ZMYND8: variants seen among roughly 807,000 people sequenced by gnomAD.
ZMYND8 encodes the protein MYND-type zinc finger-containing chromatin reader ZMYND8.
In ZMYND8, 37 loss-of-function variants were observed where a neutral mutation model predicts 140.8. That is an observed-to-expected ratio of 0.26 (90% CI 0.20 to 0.35). The LOEUF (loss-of-function observed/expected upper bound fraction) is 0.35, where lower values mean the gene tolerates loss of function less well. Among genes scored for constraint, ZMYND8 ranks in the 10% least tolerant of loss-of-function variants. The pLI is 1.00. For synonymous variants in ZMYND8, 592 were observed against 597.1 expected, an observed-to-expected ratio of 0.99 and a Z score of 0.12; for missense variants, 1,068 against 1,570.0, an observed-to-expected ratio of 0.68 and a Z score of 5.40.
At chr20:47,241,714 G>A (rs1377158696) in intron 14 of ZMYND8, among the ~76,000 whole-genome samples, 1 of 151,970 alleles carries the variant, frequency 6.6e-6, no homozygotes, top group Non-Finnish European at 1.5e-5. Context: ...GGATATCTGG[G>A]GAACACACAC....
intron 6 of ZMYND8, among the ~76,000 whole-genome samples, chr20:47,291,315 G>A (rs1032699450): frequency 6.6e-6 from 1 of 152,178 alleles, no homozygotes; most frequent in Non-Finnish European, 1.5e-5. Context: ...TTTCAGCGTG[G>A]AATTTTAGCA....
At chr20:47,256,133 T>C (rs1374962454) in intron 12 of ZMYND8, among the ~76,000 whole-genome samples, 1 of 151,586 alleles carries the variant, frequency 6.6e-6, no homozygotes. Context: ...TGGATGGACT[T>C]CCAGGAACTA....
At chr20:47,273,229 T>G (rs936171660) in intron 11 of ZMYND8, among the ~76,000 whole-genome samples, 1 of 152,074 alleles carries the variant, frequency 6.6e-6, no homozygotes, top group Admixed American at 6.6e-5. Context: ...TTTTTAATGG[T>G]TGGGGGGAAA....
chr20:47,233,566 A>C (rs1325627187), intron 16 of ZMYND8, among the ~76,000 whole-genome samples: 1 of 152,176 alleles, frequency 6.6e-6, no homozygotes, highest in Non-Finnish European at 1.5e-5. Context: ...TGGACCATGA[A>C]CATTTGTGGT....
At chr20:47,249,230 T>A in intron 13 of ZMYND8, 57 bp downstream of exon 13, 1 of 1,582,512 alleles carries the variant, frequency 6.3e-7, no homozygotes, top group Non-Finnish European at 8.6e-7. Context: ...GTGGTATCCC[T>A]ACCAGTAATG....
chr20:47,305,784 T>C (rs2078435482), intron 3 of ZMYND8, among the ~76,000 whole-genome samples: 1 of 152,130 alleles, frequency 6.6e-6, no homozygotes, highest in South Asian at 2.1e-4. Flanking sequence ...CTCAATCCTT[T>C]AATGCAAGGG....
chr20:47,287,859 C>CGCACACAT (rs1569104279), intron 7 of ZMYND8, among the ~76,000 whole-genome samples: 3 of 152,280 alleles, frequency 2.0e-5, no homozygotes, highest in Non-Finnish European at 2.9e-5. Context: ...CACGCACACA[C>CGCACACAT]GCACACACAT....
chr20:47,250,735 C>T (rs560544297), intron 12 of ZMYND8, among the ~76,000 whole-genome samples: 16 of 152,364 alleles, frequency 1.1e-4, no homozygotes, highest in Non-Finnish European at 1.9e-4. Context: ...TCAAACACTG[C>T]ATACCCAGAA....
intron 18 of ZMYND8, among the ~76,000 whole-genome samples, chr20:47,224,997 C>A (rs2037484286): frequency 6.6e-6 from 1 of 152,174 alleles, no homozygotes; most frequent in South Asian, 2.1e-4. Flanking sequence ...ACTCATATAA[C>A]CCTCATCCTA....
intron 21 of ZMYND8, among the ~76,000 whole-genome samples, chr20:47,218,794 G>C (rs779560492): frequency 3.9e-5 from 6 of 152,108 alleles, no homozygotes; most frequent in Non-Finnish European, 8.8e-5. Context: ...TACTCCCTCT[G>C]ACTGTGCCCC....
At chr20:47,324,201 CAAAAA>C (rs60339000) in intron 2 of ZMYND8, among the ~76,000 whole-genome samples, 1 of 66,670 alleles carries the variant, frequency 1.5e-5, no homozygotes, top group Non-Finnish European at 3.3e-5. Context: ...GACTCTGTCT[CAAAAA>C]AAAAAAAAAA....
In ZMYND8 at chr20:47,301,001, T is replaced by C. The variant is rs76131808; in HGVS notation, c.235-2054A>G. ...TACCCAGGCTGGTATTAAGAGGTTTTACTGTTCCCAAATGCCTGGTATTTC... is the reference window on the plus strand; with the variant it reads ...TACCCAGGCTGGTATTAAGAGGTTTCACTGTTCCCAAATGCCTGGTATTTC... On this transcript the variant is annotated intron_variant, in intron 3 of 22. Transcript: ENST00000471951. Among the ~76,000 whole-genome samples, 659 of 151,936 alleles carry C rather than the reference T, an allele frequency of 4.3e-3. 4 individuals carry two copies. Among genetic ancestry groups the C allele is most frequent in the African/African-American group, 0.015 (626 of 41,422 alleles).
chr20:47,340,314 A>AG (rs1209908714), intron 2 of ZMYND8, among the ~76,000 whole-genome samples: 3 of 152,238 alleles, frequency 2.0e-5, no homozygotes, highest in African/African-American at 7.2e-5. Flanking sequence ...ATGGTGGTCC[A>AG]GGGGTGCTTA....
At chr20:47,265,801 G>A (rs1221881681) in intron 11 of ZMYND8, among the ~76,000 whole-genome samples, 1 of 152,106 alleles carries the variant, frequency 6.6e-6, no homozygotes, top group African/African-American at 2.4e-5. Flanking sequence ...ACTAGAACAG[G>A]CCTTTAATTT....
In ZMYND8 at chr20:47,352,354, A is replaced by G. The variant is rs2082858283; in HGVS notation, c.14+4303T>C. 4.3e-6 allele frequency: 3 copies of G among 696,866 alleles called. No homozygotes were observed. The Admixed American group carries it at 1.9e-4, about 44-fold the overall frequency. 43.2% of individuals were successfully genotyped at this position (696,866 alleles called of 1,614,324 possible). On this transcript the variant is annotated intron_variant, in intron 1 of 22. Transcript: ENST00000471951. ...AAAGGCTGTTTATAAGCCTGCAAAC[A>G]GCCACCAAATACCCAGCCCTCTGAA... is the stretch of plus-strand genomic sequence containing the variant.
At chr20:47,294,215 G>A (rs899035330) in intron 5 of ZMYND8, among the ~76,000 whole-genome samples, 10 of 152,014 alleles carry the variant, frequency 6.6e-5, no homozygotes, top group Middle Eastern at 3.4e-3. Flanking sequence ...TAGCCAGTGC[G>A]GTGGCGGGAG....
At chr20:47,231,406 A>G (rs1013944059) in intron 16 of ZMYND8, among the ~76,000 whole-genome samples, 1 of 152,196 alleles carries the variant, frequency 6.6e-6, no homozygotes, top group Non-Finnish European at 1.5e-5. Flanking sequence ...TTTCCCCACA[A>G]AAAAACAAGA....
intron 2 of ZMYND8, among the ~76,000 whole-genome samples, chr20:47,337,734 T>C (rs1037367099): frequency 1.3e-5 from 2 of 152,130 alleles, no homozygotes; most frequent in Non-Finnish European, 2.9e-5. Context: ...CCCATTGATG[T>C]AGGAGCATCT....
intron 16 of ZMYND8, among the ~76,000 whole-genome samples, chr20:47,234,552 T>A (rs2038963017): frequency 6.6e-6 from 1 of 152,144 alleles, no homozygotes; most frequent in African/African-American, 2.4e-5. Context: ...CTGCAAGAGA[T>A]CCTGAAGCGG....
Sources: allele counts gnomAD v4.1 joint callset (sites outside exome capture counted in the v4.1 genomes callset), GRCh38; gene constraint gnomAD v4.1.1; transcripts MANE v1.5; gene names NCBI Gene and HGNC (gene_info 2026-07-23, HGNC 2026-07-21).